The following RNF19A variants were observed in gnomAD, a reference collection of about 807,000 sequenced individuals.
RNF19A encodes the protein ring finger protein 19A, RBR E3 ubiquitin protein ligase, also known as E3 ubiquitin-protein ligase RNF19A.
RNF19A carries 32 observed loss-of-function variants against 75.7 expected under a neutral mutation model. The observed-to-expected ratio is 0.42, with a 90% CI of 0.32 to 0.57. The LOEUF (loss-of-function observed/expected upper bound fraction) is 0.57. Among genes scored for constraint, RNF19A ranks in the 20% least tolerant of loss-of-function variants. The pLI is 0.10. For missense variants in RNF19A, 782 were observed against 1,036.3 expected (o/e 0.75, Z 3.37); for synonymous variants, 335 against 345.2 (o/e 0.97, Z 0.33).
rs898323331 is a variant in RNF19A, at chr8:100,260,543, T to C, written c.1683-546A>G. Among the ~76,000 whole-genome samples the C allele has an allele frequency of 1.3e-5, 2 of 152,152 alleles. No homozygotes were observed. The highest frequency in any genetic ancestry group is 4.8e-5 in the African/African-American group (2 of 41,426). On this transcript the variant is annotated intron_variant, in intron 8 of 9. Coordinates refer to ENST00000341084, the MANE Select transcript of RNF19A (RefSeq NM_183419.4). The surrounding 1 kb of genome is among the most constrained non-coding windows in gnomAD (Gnocchi z 4.1). ...ACCTGGCCTCCCAAAGTGCTGGGAT[T>C]ATAGGTATGAGCCACTGAGCCCAAC...
At chr8:100,302,338 G>A (rs1225084027) in intron 1 of RNF19A, among the ~76,000 whole-genome samples, 2 of 152,210 alleles carry the variant, frequency 1.3e-5, no homozygotes, top group Non-Finnish European at 2.9e-5. Context: ...AGGTAAAACT[G>A]TAAGGATTTC....
At chr8:100,328,799 G>T (rs989762449) in intron 1 of RNF19A, among the ~76,000 whole-genome samples, 4 of 152,188 alleles carry the variant, frequency 2.6e-5, no homozygotes, top group African/African-American at 9.7e-5. Context: ...AGCAATGGTT[G>T]TGCAAATCTT....
chr8:100,321,160 A>G (rs1056955369), intron 1 of RNF19A, among the ~76,000 whole-genome samples: 37 of 152,354 alleles, frequency 2.4e-4, no homozygotes, highest in African/African-American at 8.9e-4. Flanking sequence ...TCCTTCCACA[A>G]AAGATTTCTC....
rs1819552400 is a variant in RNF19A at position 100,258,495 on chromosome 8, G to T, written c.*61C>A. The T allele has an allele frequency of 3.7e-6, 5 of 1,347,106 alleles. No individual in the cohort carries two copies. The South Asian group carries it at 4.2e-5, about 11-fold the overall frequency. 83.4% of individuals were successfully genotyped at this position (1,347,106 alleles called of 1,614,324 possible). ...TAACCTGAAACTTAAGTAGTCACAT[G>T]TAGTTCAACCAGCTCCAAACACGGT... On this transcript the variant is annotated 3_prime_UTR_variant, in exon 10 of 10. Coordinates refer to ENST00000341084, the MANE Select transcript of RNF19A (RefSeq NM_183419.4). This position sits in a 1 kb window ranked among gnomAD's most constrained non-coding sequence, Gnocchi z 4.3.
At chr8:100,312,091 G>T (rs1387551419), upstream of RNF19A, among the ~76,000 whole-genome samples, 6 of 152,162 alleles carry the variant, frequency 3.9e-5, no homozygotes, top group African/African-American at 1.4e-4. Flanking sequence ...ACCTAGGATT[G>T]TTCCCAGGCC....
chr8:100,258,228 A>G lies in RNF19A; in HGVS notation c.*328T>C, dbSNP rs1023056327. On this transcript the variant is annotated 3_prime_UTR_variant, in exon 10 of 10. Transcript: ENST00000341084. The surrounding 1 kb of genome is among the most constrained non-coding windows in gnomAD (Gnocchi z 4.3). The stretch of plus-strand genomic sequence containing the variant: ...CTTCATTTGAATGCTGTAGAATTGC[A>G]TTAGTATTTTATATTGATTATATAA... The G allele has an allele frequency of 9.5e-6, 4 of 419,496 alleles. No homozygotes were observed. The highest frequency in any genetic ancestry group is 1.7e-5 in the Non-Finnish European group (4 of 239,036). The allele number at this position is 419,496 out of a possible 1,614,324, so 26.0% of individuals were successfully genotyped here.
At chr8:100,301,098 T>C (rs1821805337) in intron 1 of RNF19A, among the ~76,000 whole-genome samples, 1 of 152,242 alleles carries the variant, frequency 6.6e-6, no homozygotes, top group African/African-American at 2.4e-5. Flanking sequence ...CATGAGGCTA[T>C]TTAAATTAAA....
chr8:100,283,730 T>C (rs963638211), intron 2 of RNF19A, among the ~76,000 whole-genome samples: 10 of 152,216 alleles, frequency 6.6e-5, no homozygotes, highest in Non-Finnish European at 1.5e-5. Context: ...TGTTCATACC[T>C]ATAAATAACA....
chr8:100,264,280 G>C lies in RNF19A; in HGVS notation c.1307-85C>G, dbSNP rs1393030270. 6.8e-6 allele frequency: 8 copies of C among 1,173,390 alleles called. 1 individual carries two copies. The South Asian group carries it at 1.1e-4, about 16-fold the overall frequency. 72.7% of individuals were successfully genotyped at this position (1,173,390 alleles called of 1,614,324 possible). A position where few individuals can be genotyped will look rare whatever the true frequency, so the allele number is the denominator to read the frequency against. On this transcript the variant is annotated intron_variant, in intron 6 of 9. Transcript: ENST00000341084. This position sits in a 1 kb window ranked among gnomAD's most constrained non-coding sequence, Gnocchi z 4.7. ...TGAGTTTTAGAAAGTCTTTTCAAGA[G>C]AGTCATACAGAGAAAAGCGCCAGGG...
At chr8:100,289,059 CAA>C (rs34638933) in intron 1 of RNF19A, among the ~76,000 whole-genome samples, 7 of 92,548 alleles carry the variant, frequency 7.6e-5, no homozygotes, top group Admixed American at 1.2e-4. Context: ...GACTCCATCT[CAA>C]AAAAAAAAAA....
chr8:100,316,110 C>T (rs1379504697), intron 1 of RNF19A, among the ~76,000 whole-genome samples: 1 of 151,840 alleles, frequency 6.6e-6, no homozygotes, highest in African/African-American at 2.4e-5. Context: ...TTCGTGGTCT[C>T]GCTGGCTCAG....
intron 1 of RNF19A, among the ~76,000 whole-genome samples, chr8:100,318,826 T>C (rs1273049839): frequency 6.6e-6 from 1 of 152,206 alleles, no homozygotes; most frequent in East Asian, 1.9e-4. Context: ...TGAAATCCTG[T>C]GCTGTTGGAA....
intron 1 of RNF19A, among the ~76,000 whole-genome samples, chr8:100,299,756 C>T (rs1256769986): frequency 6.6e-6 from 1 of 150,886 alleles, no homozygotes; most frequent in African/African-American, 2.5e-5. Context: ...AAAACTCTGT[C>T]TCAAAATAAA....
At position 100,284,852 on chromosome 8, in the gene RNF19A, T is replaced by G. The variant is rs1820941880; in HGVS notation, c.674+2649A>C. Among the ~76,000 whole-genome samples the G allele has an allele frequency of 6.6e-6, 1 of 152,170 alleles. No individual in the cohort carries two copies. Among genetic ancestry groups the G allele is most frequent in the South Asian group, 2.1e-4 (1 of 4,838 alleles). On this transcript the variant is annotated intron_variant, in intron 2 of 9. Transcript: ENST00000341084. This position sits in a 1 kb window ranked among gnomAD's most constrained non-coding sequence, Gnocchi z 4.3. ...AAGTTAAGAAACATTATCAGCAGGA[T>G]GATCATTAACTCACAATCTAAATTG...
rs1821097990 is a variant in RNF19A at position 100,287,852 on chromosome 8, A to G, written c.323T>C (p.Ile108Thr). 1 of 1,614,210 alleles carries G rather than the reference A, an allele frequency of 6.2e-7. No individual in the cohort carries two copies. Among genetic ancestry groups the G allele is most frequent in the South Asian group, 1.1e-5 (1 of 91,082 alleles). ...HSEMCTDKNS[I>T]FSTNTSSDNG... ...GTCAGAAGAGGTATTTGTAGAGAAA[A>G]TGGAGTTCTTATCAGTACACATTTC... Residue 108 changes from isoleucine (I) to threonine (T), a missense_variant, in exon 2 of 10, where the codon ATT (isoleucine) becomes ACT (threonine). Around this residue, in one of 7 missense-constraint regions of RNF19A, gnomAD observed 148 missense variants for 147.9 expected, o/e 1.00. Coordinates refer to ENST00000341084, the MANE Select transcript of RNF19A (RefSeq NM_183419.4). The surrounding 1 kb of genome is among the most constrained non-coding windows in gnomAD (Gnocchi z 4.1).
chr8:100,310,304 C>G (rs548164615), upstream of RNF19A: 11 of 945,790 alleles, frequency 1.2e-5, no homozygotes, highest in African/African-American at 1.9e-4. Flanking sequence ...CCGCTGCACC[C>G]GGGTGGCCCC....
rs964912186 is a variant in RNF19A, at chr8:100,317,252, A to C, written c.-242-3880T>G. Among the ~76,000 whole-genome samples the C allele has an allele frequency of 6.7e-6, 1 of 149,860 alleles. No individual in the cohort carries two copies. Among genetic ancestry groups the C allele is most frequent in the African/African-American group, 2.4e-5 (1 of 41,066 alleles). On this transcript the variant is annotated intron_variant, in intron 1 of 3. Coordinates refer to the RNF19A transcript ENST00000519527. The surrounding 1 kb of genome is among the most constrained non-coding windows in gnomAD (Gnocchi z 4.3). The stretch of plus-strand genomic sequence containing the variant: ...GCTCTCACAGTGCAGTGGTGGGCTG[A>C]AGGGCTCCTCAAATGCCGCCAAAGT...
intron 1 of RNF19A, among the ~76,000 whole-genome samples, chr8:100,321,041 G>A (rs549994255): frequency 1.3e-5 from 2 of 152,288 alleles, no homozygotes; most frequent in East Asian, 1.9e-4. Context: ...GTCTTGCCTC[G>A]ATGTTGATGG....
chr8:100,270,333 G>C (rs1447033364), intron 3 of RNF19A, among the ~76,000 whole-genome samples: 1 of 152,080 alleles, frequency 6.6e-6, no homozygotes, highest in East Asian at 1.9e-4. Flanking sequence ...GTTTGTCTTT[G>C]TCCTGGTCCC....
Sources: gnomAD v4.1 joint callset for allele counts (sites outside exome capture counted in the v4.1 genomes callset) on GRCh38, gnomAD v4.1.1 for gene constraint, gnomAD v4.1.1 regional missense constraint, Gnocchi (gnomAD v3.1) non-coding constraint, MANE v1.5 for transcripts, NCBI Gene and HGNC (gene_info 2026-07-23, HGNC 2026-07-21) for gene names.